Variants in GABRP observed in about 807,000 individuals in gnomAD.
GABRP encodes gamma-aminobutyric acid type A receptor subunit pi.
GABRP carries 52 observed loss-of-function variants against 47.8 expected under a neutral mutation model. The observed-to-expected ratio is 1.09, with a 90% CI of 0.87 to 1.37. GABRP has a LOEUF of 1.37. Among genes scored for constraint, GABRP ranks in the 40% most tolerant of loss-of-function variants. The probability of loss-of-function intolerance (pLI) is 0.00; values close to 1 mark genes in which losing one functional copy is unlikely to be tolerated. For synonymous variants in GABRP, 221 were observed against 205.8 expected (o/e 1.07, Z -0.63); for missense variants, 525 against 542.8 (o/e 0.97, Z 0.33).
rs201900515 is a variant in GABRP, at chr5:170,788,661, A to G, written c.46A>G (p.Thr16Ala). The change falls in exon 2 of 10, where the codon ACT (threonine) becomes GCT (alanine). Residue 16 changes from threonine to alanine, a missense_variant. By Grantham distance (58) the Thr-to-Ala change is moderately conservative. Transcript: ENST00000265294. ...GGCCTTCGTGTGTCTGAGTCTCTTC[A>G]CTGAGAGGTGAGCTTTGCTACCCCC... ...HLAFVCLSLF[T>A]ERMCIQGSQF... The G allele has an allele frequency of 8.7e-6, 14 of 1,614,062 alleles. No homozygotes were observed. In the East Asian group the frequency reaches 2.5e-4, roughly 28 times the overall value.
At chr5:170,786,584 C>T (rs539049527) in intron 1 of GABRP, among the ~76,000 whole-genome samples, 1 of 152,186 alleles carries the variant, frequency 6.6e-6, no homozygotes, top group Non-Finnish European at 1.5e-5. Context: ...TTTCATGGTG[C>T]ACTCATTAAG....
chr5:170,785,778 G>T (rs1293124464), intron 1 of GABRP, among the ~76,000 whole-genome samples: 1 of 152,194 alleles, frequency 6.6e-6, no homozygotes, highest in Non-Finnish European at 1.5e-5. Flanking sequence ...GTGGAACCAT[G>T]TTCCTTCAGG....
At chr5:170,784,822 C>A (rs2127246233) in intron 1 of GABRP, among the ~76,000 whole-genome samples, 1 of 152,338 alleles carries the variant, frequency 6.6e-6, no homozygotes, top group East Asian at 1.9e-4. Context: ...CTCAAGGTCT[C>A]CTCTACAAGT....
rs1045527566 is a variant in GABRP, at chr5:170,813,242, GC to G, written c.*985del. The G allele has an allele frequency of 2.0e-5, 3 of 152,168 alleles. No individual in the cohort carries two copies. The highest frequency in any genetic ancestry group is 7.2e-5 in the African/African-American group (3 of 41,432). 9.4% of individuals were successfully genotyped at this position (152,168 alleles called of 1,614,324 possible). ...GTCATTGCTGCTACTCTAACACTGA[GC>G]AACACTCTCCCAGTGGCAGATCCCC... On this transcript the variant is annotated 3_prime_UTR_variant, in exon 10 of 10. Transcript: ENST00000265294.
At chr5:170,806,987 C>T (rs1765753915) in intron 7 of GABRP, among the ~76,000 whole-genome samples, 1 of 151,802 alleles carries the variant, frequency 6.6e-6, no homozygotes, top group Non-Finnish European at 1.5e-5. Context: ...ACTCTAGTGT[C>T]ACCTAGGCTG....
chr5:170,798,917 G>C (rs1399218327), intron 6 of GABRP, among the ~76,000 whole-genome samples: 1 of 151,536 alleles, frequency 6.6e-6, no homozygotes, highest in Non-Finnish European at 1.5e-5. Flanking sequence ...ATTTACATTA[G>C]GTATATCTCC....
chr5:170,792,820 G>A (rs986215678), intron 3 of GABRP, among the ~76,000 whole-genome samples: 1 of 152,164 alleles, frequency 6.6e-6, no homozygotes, highest in African/African-American at 2.4e-5. Context: ...CCGATGAGAT[G>A]TTTTTAAGCT....
intron 6 of GABRP, among the ~76,000 whole-genome samples, chr5:170,804,548 T>C (rs1318513715): frequency 6.6e-6 from 1 of 152,178 alleles, no homozygotes; most frequent in Non-Finnish European, 1.5e-5. Context: ...ATTACAGCCA[T>C]CTAATGGGTG....
chr5:170,784,123 G>T lies in GABRP; in HGVS notation c.-43+249G>T, dbSNP rs553877008. Among the ~76,000 whole-genome samples the T allele has an allele frequency of 8.7e-4, 132 of 152,300 alleles. 1 individual carries two copies. Among genetic ancestry groups the T allele is most frequent in the African/African-American group, 3.1e-3 (130 of 41,568 alleles). ...GACCAGCAGACACAGGGCACGCGCC[G>T]CACCACTTTATCTTCTGGGATTTTC... is the stretch of plus-strand genomic sequence containing the variant. On this transcript the variant is annotated intron_variant, in intron 1 of 9. Transcript: ENST00000265294.
At chr5:170,808,194 T>C (rs1446623992) in intron 7 of GABRP, among the ~76,000 whole-genome samples, 5 of 152,234 alleles carry the variant, frequency 3.3e-5, no homozygotes, top group African/African-American at 1.2e-4. Flanking sequence ...CCATTAGGTC[T>C]ATTCCATAGT....
In GABRP at chr5:170,809,654, G is replaced by A. The variant is rs778907133; in HGVS notation, c.919G>A (p.Asp307Asn). 6.8e-6 allele frequency: 11 copies of A among 1,614,160 alleles called. No homozygotes were observed. In the South Asian group the frequency reaches 7.7e-5, roughly 11 times the overall value. The change falls in exon 9 of 10, where the codon GAT (aspartate) becomes AAT (asparagine). Residue 307 changes from aspartate to asparagine, a missense_variant. By Grantham distance (23) the Asp-to-Asn change is conservative. Coordinates refer to ENST00000265294, the MANE Select transcript of GABRP (RefSeq NM_014211.3). Reference sequence around the variant, plus strand: ...CACCAACTGCTTCATCAAGGCCATCGATGTGTACCTGGGGATCTGCTTTAG... The same window carrying A: ...CACCAACTGCTTCATCAAGGCCATCAATGTGTACCTGGGGATCTGCTTTAG... ...PNTNCFIKAIDVYLGICFSFV... is the reference protein window; with the variant it reads ...PNTNCFIKAINVYLGICFSFV...
At chr5:170,798,072 C>T (rs1406353814) in intron 6 of GABRP, among the ~76,000 whole-genome samples, 4 of 152,186 alleles carry the variant, frequency 2.6e-5, no homozygotes, top group Admixed American at 6.5e-5. Flanking sequence ...GACGGAGTCT[C>T]GCTCTGTCGC....
intron 3 of GABRP, among the ~76,000 whole-genome samples, chr5:170,790,273 C>T (rs1159198639): frequency 6.6e-6 from 1 of 152,208 alleles, no homozygotes; most frequent in Non-Finnish European, 1.5e-5. Context: ...AGCTCTCCTG[C>T]TTGGCAAGTG....
chr5:170,789,273 A>G (rs1765203739), intron 3 of GABRP, 26 bp downstream of exon 3: 2 of 1,478,434 alleles, frequency 1.4e-6, no homozygotes, highest in Non-Finnish European at 1.9e-6. Flanking sequence ...TGTCCAGGAC[A>G]TCATTCAAAG....
intron 4 of GABRP, chr5:170,794,533 A>T: frequency 2.8e-6 from 1 of 359,592 alleles, no homozygotes; most frequent in Non-Finnish European, 5.0e-6. Context: ...AGATTTCCTG[A>T]GTAGCAGGAA....
At chr5:170,810,097 A>G (rs1196640030) in intron 9 of GABRP, 5 of 562,156 alleles carry the variant, frequency 8.9e-6, no homozygotes, top group East Asian at 5.8e-5. Context: ...ATATTAATAT[A>G]TATTTACTAT....
rs1026636988 is a variant in GABRP at position 170,796,838 on chromosome 5, G to T, written c.459-628G>T. On this transcript the variant is annotated intron_variant, in intron 5 of 9. Transcript: ENST00000265294. ...ATAAATAAGGATGCTGAATAAAAATGTATGACACTGAAGAAAAAGGAAGAT... is the reference window on the plus strand; with the variant it reads ...ATAAATAAGGATGCTGAATAAAAATTTATGACACTGAAGAAAAAGGAAGAT... Among the ~76,000 whole-genome samples, 3 of 152,212 alleles carry T rather than the reference G, an allele frequency of 2.0e-5. No homozygotes were observed. In the South Asian group the frequency reaches 6.2e-4, roughly 32 times the overall value.
intron 3 of GABRP, among the ~76,000 whole-genome samples, chr5:170,791,729 T>C (rs1214192586): frequency 1.3e-5 from 2 of 152,166 alleles, no homozygotes; most frequent in African/African-American, 4.8e-5. Flanking sequence ...CTAACACGGA[T>C]CTATGGCACT....
intron 9 of GABRP, among the ~76,000 whole-genome samples, chr5:170,810,691 C>G (rs1765858914): frequency 6.6e-6 from 1 of 152,128 alleles, no homozygotes. Flanking sequence ...AGGTGCCCAC[C>G]TTGAGCAAAG....
Sources: gnomAD v4.1 joint callset for allele counts (sites outside exome capture counted in the v4.1 genomes callset) on GRCh38, gnomAD v4.1.1 for gene constraint, MANE v1.5 for transcripts, NCBI Gene and HGNC (gene_info 2026-07-23, HGNC 2026-07-21) for gene names.